Variants in PAIP2B observed in about 807,000 individuals in gnomAD.
The protein encoded by PAIP2B is poly(A) binding protein interacting protein 2B.
In PAIP2B, 13 loss-of-function variants were observed where a neutral mutation model predicts 17.0. The observed-to-expected ratio is 0.76, with a 90% confidence interval of 0.50 to 1.22. The LOEUF is 1.22. Among genes scored for constraint, PAIP2B ranks in the 50% most tolerant of loss-of-function variants. PAIP2B has a pLI of 0.00. For missense variants in PAIP2B, 117 were observed against 144.5 expected, an observed-to-expected ratio of 0.81 and a Z score of 0.98; for synonymous variants, 43 against 48.7, an observed-to-expected ratio of 0.88 and a Z score of 0.48.
chr2:71,208,417 C>T (rs1675195148), intron 1 of PAIP2B, among the ~76,000 whole-genome samples: 1 of 149,588 alleles, frequency 6.7e-6, no homozygotes, highest in Admixed American at 6.7e-5. Flanking sequence ...AGCGAGACTC[C>T]ATTTCACCCC....
At chr2:71,192,264 T>A (rs1310056684) in intron 2 of PAIP2B, among the ~76,000 whole-genome samples, 2 of 96,724 alleles carry the variant, frequency 2.1e-5, no homozygotes, top group East Asian at 3.1e-4. Flanking sequence ...GATACTGCAT[T>A]TTTTTTTTTT....
intron 1 of PAIP2B, among the ~76,000 whole-genome samples, chr2:71,225,773 A>G (rs1225113278): frequency 6.6e-6 from 1 of 152,232 alleles, no homozygotes; most frequent in Non-Finnish European, 1.5e-5. Context: ...TTATCAAAAA[A>G]CATATGGCTA....
intron 2 of PAIP2B, among the ~76,000 whole-genome samples, chr2:71,200,633 TC>T (rs1402923970): frequency 1.3e-5 from 2 of 152,104 alleles, no homozygotes; most frequent in African/African-American, 2.4e-5. Context: ...ATGCCTGTAG[TC>T]CCAGCTACTC....
chr2:71,210,589 G>C (rs1675269993), intron 1 of PAIP2B, among the ~76,000 whole-genome samples: 2 of 152,144 alleles, frequency 1.3e-5, no homozygotes, highest in South Asian at 4.1e-4. Context: ...TTAACAAGAA[G>C]CTTTCAAAAA....
intron 1 of PAIP2B, among the ~76,000 whole-genome samples, chr2:71,215,491 T>C (rs913254084): frequency 6.6e-6 from 1 of 152,188 alleles, no homozygotes; most frequent in Admixed American, 6.5e-5. Flanking sequence ...TCTACCCTTC[T>C]TCACTCAAAC....
At chr2:71,226,678 G>T (rs959947143) in intron 1 of PAIP2B, among the ~76,000 whole-genome samples, 37 of 152,238 alleles carry the variant, frequency 2.4e-4, no homozygotes, top group African/African-American at 8.9e-4. Flanking sequence ...CACCTGTGCG[G>T]GGGGGAAAGG....
At chr2:71,204,328 T>G (rs1675067738) in intron 1 of PAIP2B, among the ~76,000 whole-genome samples, 1 of 152,204 alleles carries the variant, frequency 6.6e-6, no homozygotes, top group South Asian at 2.1e-4. Context: ...GTTTCCATCT[T>G]GGCAACACTT....
intron 2 of PAIP2B, among the ~76,000 whole-genome samples, 187 bp from the exon 3 acceptor site, chr2:71,190,208 C>A (rs1219045967): frequency 1.3e-5 from 2 of 152,010 alleles, no homozygotes; most frequent in South Asian, 2.1e-4. Flanking sequence ...TTGCTTGAGG[C>A]CAGGAGGTTT....
At chr2:71,213,546 G>A (rs1450787390) in intron 1 of PAIP2B, among the ~76,000 whole-genome samples, 2 of 152,186 alleles carry the variant, frequency 1.3e-5, no homozygotes, top group African/African-American at 4.8e-5. Flanking sequence ...AAAAAGTCGA[G>A]TCGTACATTC....
At chr2:71,192,226 A>G (rs540242425) in intron 2 of PAIP2B, among the ~76,000 whole-genome samples, 53 of 150,266 alleles carry the variant, frequency 3.5e-4, no homozygotes, top group African/African-American at 1.3e-3. Context: ...CACACGTTTT[A>G]TTGCATTTTG....
intron 2 of PAIP2B, among the ~76,000 whole-genome samples, chr2:71,201,673 G>A (rs1021201340): frequency 1.3e-5 from 2 of 152,174 alleles, no homozygotes; most frequent in Admixed American, 1.3e-4. Flanking sequence ...GAGCCACAAT[G>A]CCTGGCCTTA....
At chr2:71,226,528 C>T (rs1009001017) in intron 1 of PAIP2B, among the ~76,000 whole-genome samples, 1 of 152,076 alleles carries the variant, frequency 6.6e-6, no homozygotes, top group Admixed American at 6.5e-5. Flanking sequence ...GGGAGAGGGG[C>T]GGGGGATGCC....
At chr2:71,192,225 T>C (rs1021692005) in intron 2 of PAIP2B, among the ~76,000 whole-genome samples, 5 of 151,964 alleles carry the variant, frequency 3.3e-5, no homozygotes, top group Admixed American at 2.6e-4. Flanking sequence ...GCACACGTTT[T>C]ATTGCATTTT....
At chr2:71,217,798 A>T (rs13033146) in intron 1 of PAIP2B, among the ~76,000 whole-genome samples, 15,762 of 151,742 alleles carry the variant, frequency 0.1, 877 homozygotes, top group Non-Finnish European at 0.12. Context: ...CTGGGAGCAG[A>T]AGCTCATGCC....
intron 2 of PAIP2B, among the ~76,000 whole-genome samples, chr2:71,195,468 A>T (rs1482250766): frequency 6.6e-6 from 1 of 152,036 alleles, no homozygotes; most frequent in Non-Finnish European, 1.5e-5. Context: ...TGTGTCCAGG[A>T]ATTTATCCAT....
At chr2:71,197,467 A>G (rs575408258) in intron 2 of PAIP2B, among the ~76,000 whole-genome samples, 1 of 152,094 alleles carries the variant, frequency 6.6e-6, no homozygotes, top group African/African-American at 2.4e-5. Context: ...TTGACCTTGG[A>G]AAGTCTGATG....
intron 1 of PAIP2B, among the ~76,000 whole-genome samples, chr2:71,204,844 G>T (rs1675083463): frequency 6.6e-6 from 1 of 152,160 alleles, no homozygotes; most frequent in Admixed American, 6.5e-5. Flanking sequence ...CCTGAACCTT[G>T]CTGGGTAGCA....
chr2:71,207,344 A>C (rs1177181576), intron 1 of PAIP2B, among the ~76,000 whole-genome samples: 1 of 152,178 alleles, frequency 6.6e-6, no homozygotes, highest in Non-Finnish European at 1.5e-5. Flanking sequence ...ATTTTCGGGA[A>C]CTACAAGAAG....
chr2:71,211,000 A>C (rs941846851), intron 1 of PAIP2B, among the ~76,000 whole-genome samples: 1 of 152,196 alleles, frequency 6.6e-6, no homozygotes, highest in Admixed American at 6.5e-5. Flanking sequence ...TAGTCCCAGC[A>C]CTTTGGGAGG....
Sources: allele counts gnomAD v4.1 joint callset (sites outside exome capture counted in the v4.1 genomes callset), GRCh38; gene constraint gnomAD v4.1.1; transcripts MANE v1.5; gene names NCBI Gene and HGNC (gene_info 2026-07-23, HGNC 2026-07-21).